Variants in BMP2K observed in about 807,000 individuals in gnomAD.
BMP2K encodes BMP2 inducible kinase, also known as BMP-2-inducible protein kinase.
BMP2K carries 74 observed loss-of-function variants against 116.0 expected under a neutral mutation model. The observed-to-expected ratio is 0.64, with a 90% CI of 0.53 to 0.77. The LOEUF (loss-of-function observed/expected upper bound fraction) is 0.77, where lower values mean the gene tolerates loss of function less well. BMP2K is among the 30% of genes least tolerant of loss of function. The probability of loss-of-function intolerance (pLI) is 0.00; values close to 1 mark genes in which losing one functional copy is unlikely to be tolerated. For synonymous variants in BMP2K, 486 were observed against 502.5 expected (o/e 0.97, Z 0.44); for missense variants, 1,365 against 1,403.6 (o/e 0.97, Z 0.44).
At chr4:78,794,235 T>C (rs1235161460) in intron 1 of BMP2K, among the ~76,000 whole-genome samples, 1 of 150,674 alleles carries the variant, frequency 6.6e-6, no homozygotes, top group African/African-American at 2.4e-5. Context: ...TCTGTGTTGC[T>C]GGGGTGCAAT....
At chr4:78,865,369 A>T (rs1294382015) in intron 9 of BMP2K, among the ~76,000 whole-genome samples, 188 bp from the exon 10 acceptor site, 1 of 152,060 alleles carries the variant, frequency 6.6e-6, no homozygotes, top group South Asian at 2.1e-4. Context: ...GAAAATTGTT[A>T]GTTTTATTTA....
At chr4:78,883,153 A>G (rs901615567) in intron 14 of BMP2K, among the ~76,000 whole-genome samples, 1 of 152,120 alleles carries the variant, frequency 6.6e-6, no homozygotes, top group Non-Finnish European at 1.5e-5. Context: ...TTATTCACCA[A>G]CATAATTCTT....
In BMP2K at chr4:78,826,101, G is replaced by A. The variant is rs770326963; in HGVS notation, c.243G>A (p.Met81Ile). The stretch of plus-strand genomic sequence containing the variant: ...GAATCCGATGTGCATTGAAGCGAAT[G>A]TATGTCAATAACATGCCAGACCTCA... ...HGGIRCALKR[M>I]YVNNMPDLNV... Residue 81 changes from methionine (M) to isoleucine (I), a missense_variant, in exon 2 of 16, where the codon ATG (methionine) becomes ATA (isoleucine). By Grantham distance (10) the Met-to-Ile change is conservative. Around this residue, in one of 3 missense-constraint regions of BMP2K, gnomAD observed 762 missense variants for 756.7 expected, o/e 1.01. Coordinates refer to ENST00000502613, the MANE Select transcript of BMP2K (RefSeq NM_198892.2). 1 of 1,614,138 alleles carries A rather than the reference G, an allele frequency of 6.2e-7. No homozygotes were observed. The highest frequency in any genetic ancestry group is 8.5e-7 in the Non-Finnish European group (1 of 1,180,000).
chr4:78,880,322 T>A (rs1013416358), intron 14 of BMP2K, among the ~76,000 whole-genome samples: 2 of 152,216 alleles, frequency 1.3e-5, no homozygotes, highest in African/African-American at 4.8e-5. Context: ...TCCACCCACC[T>A]CGGCCTCCCA....
chr4:78,886,641 G>A (rs1733104739), intron 14 of BMP2K, among the ~76,000 whole-genome samples: 2 of 152,164 alleles, frequency 1.3e-5, no homozygotes, highest in Non-Finnish European at 1.5e-5. Context: ...GTGAGTGTAC[G>A]TGGGGGCATG....
chr4:78,840,147 G>A (rs2110019167), intron 3 of BMP2K, among the ~76,000 whole-genome samples: 1 of 152,164 alleles, frequency 6.6e-6, no homozygotes, highest in East Asian at 1.9e-4. Flanking sequence ...TTTTTTAAGA[G>A]ATTAGAAAAA....
intron 1 of BMP2K, among the ~76,000 whole-genome samples, chr4:78,786,869 T>G (rs929981352): frequency 2.0e-5 from 3 of 152,232 alleles, no homozygotes; most frequent in Non-Finnish European, 2.9e-5. Flanking sequence ...ACTTTAAAAT[T>G]TAATTCTTTT....
At position 78,842,250 on chromosome 4, in the gene BMP2K, A is replaced by G. The variant is rs1730794637; in HGVS notation, c.404-135A>G. On this transcript the variant is annotated intron_variant, in intron 3 of 15. Transcript: ENST00000502613. ...TCATTGAATTAATACAGTATGATGT[A>G]ATAAGCATCCTTACATGAGAATTAT... 4.7e-6 allele frequency: 3 copies of G among 639,652 alleles called. No individual in the cohort carries two copies. In the African/African-American group the frequency reaches 5.5e-5, roughly 12 times the overall value. 39.6% of individuals were successfully genotyped at this position (639,652 alleles called of 1,614,324 possible). A position where few individuals can be genotyped will look rare whatever the true frequency, so the allele number is the denominator to read the frequency against.
intron 15 of BMP2K, among the ~76,000 whole-genome samples, chr4:78,899,326 G>T (rs1419596101): frequency 2.0e-5 from 3 of 152,144 alleles, no homozygotes; most frequent in Non-Finnish European, 4.4e-5. Context: ...AATTGGTGAA[G>T]TTCTTTTCTG....
At chr4:78,777,233 G>A (rs1216593170) in intron 1 of BMP2K, among the ~76,000 whole-genome samples, 1 of 152,192 alleles carries the variant, frequency 6.6e-6, no homozygotes, top group East Asian at 1.9e-4. Context: ...TGTGCGTGTT[G>A]GAGGTGATCC....
chr4:78,859,922 T>C, intron 8 of BMP2K: 1 of 558,456 alleles, frequency 1.8e-6, no homozygotes. Context: ...ATTTTGCATT[T>C]TTGAGGAAAA....
intron 1 of BMP2K, among the ~76,000 whole-genome samples, chr4:78,789,170 C>T (rs886285056): frequency 6.6e-6 from 1 of 151,896 alleles, no homozygotes; most frequent in Non-Finnish European, 1.5e-5. Flanking sequence ...TTAAATTTCC[C>T]GTAATTGTAG....
At chr4:78,788,894 TG>T (rs1279409799) in intron 1 of BMP2K, among the ~76,000 whole-genome samples, 30 of 145,066 alleles carry the variant, frequency 2.1e-4, no homozygotes, top group African/African-American at 7.4e-4. Context: ...GAATAGTGGC[TG>T]TTTTTTTTTT....
At chr4:78,792,367 C>G (rs961144851) in intron 1 of BMP2K, among the ~76,000 whole-genome samples, 5 of 152,186 alleles carry the variant, frequency 3.3e-5, no homozygotes, top group African/African-American at 1.2e-4. Context: ...TGAGGAAGAG[C>G]ACTTGGGTGA....
At chr4:78,804,225 G>A (rs981602939) in intron 1 of BMP2K, among the ~76,000 whole-genome samples, 6 of 152,070 alleles carry the variant, frequency 3.9e-5, no homozygotes, top group African/African-American at 1.4e-4. Context: ...TGATAATGTG[G>A]CCTCCTGTGC....
At chr4:78,865,906 G>T in intron 10 of BMP2K, 186 bp downstream of exon 10, 1 of 588,916 alleles carries the variant, frequency 1.7e-6, no homozygotes, top group Non-Finnish European at 2.9e-6. Context: ...GTAGGCAAAG[G>T]GAAGTTACTG....
chr4:78,873,882 T>G (rs573178853), intron 13 of BMP2K, among the ~76,000 whole-genome samples: 1 of 152,192 alleles, frequency 6.6e-6, no homozygotes, highest in Admixed American at 6.5e-5. Flanking sequence ...AAAGGCCAGT[T>G]TAAAGGTCCA....
chr4:78,877,577 T>G (rs1732689548), intron 13 of BMP2K, among the ~76,000 whole-genome samples: 1 of 152,138 alleles, frequency 6.6e-6, no homozygotes, highest in South Asian at 2.1e-4. Context: ...ATGATAACAA[T>G]ACCTTCTCCT....
At position 78,847,309 on chromosome 4, in the gene BMP2K, A is replaced by G. The variant is rs756841256; in HGVS notation, c.750+40A>G. The G allele has an allele frequency of 2.8e-6, 4 of 1,443,156 alleles. No homozygotes were observed. The South Asian group carries it at 4.0e-5, about 14-fold the overall frequency. 89.4% of individuals were successfully genotyped at this position (1,443,156 alleles called of 1,614,324 possible). ...GGCTGGAACTTGCTCTAACCAAATT[A>G]AAAAATCTGAGTTCAGTTTATTATT... On this transcript the variant is annotated intron_variant, in intron 6 of 15. Coordinates refer to ENST00000502613, the MANE Select transcript of BMP2K (RefSeq NM_198892.2).
Sources: allele counts gnomAD v4.1 joint callset (sites outside exome capture counted in the v4.1 genomes callset), GRCh38; gene constraint gnomAD v4.1.1; regional missense constraint gnomAD v4.1.1; transcripts MANE v1.5; gene names NCBI Gene and HGNC (gene_info 2026-07-23, HGNC 2026-07-21).